The following BNC2 variants were observed in gnomAD, a reference collection of about 807,000 sequenced individuals.
The protein encoded by BNC2 is zinc finger protein basonuclin-2.
BNC2 carries 20 observed loss-of-function variants against 76.3 expected under a neutral mutation model. The ratio of observed to expected loss-of-function variants is 0.26; its 90% confidence interval spans 0.18 to 0.38. The LOEUF (loss-of-function observed/expected upper bound fraction) is 0.38. Among genes scored for constraint, BNC2 ranks in the 10% least tolerant of loss-of-function variants. The probability of loss-of-function intolerance (pLI) is 1.00; values close to 1 mark genes in which losing one functional copy is unlikely to be tolerated. For synonymous variants in BNC2, 582 were observed against 514.8 expected, an observed-to-expected ratio of 1.13 and a Z score of -1.77; for missense variants, 1,382 against 1,399.8, an observed-to-expected ratio of 0.99 and a Z score of 0.20.
intron 5 of BNC2, among the ~76,000 whole-genome samples, chr9:16,496,643 T>C (rs978185870): frequency 6.6e-6 from 1 of 152,248 alleles, no homozygotes; most frequent in Non-Finnish European, 1.5e-5. Context: ...TCTTTAAATA[T>C]TTAATATAAT....
intron 3 of BNC2, among the ~76,000 whole-genome samples, chr9:16,627,921 C>T (rs533487646): frequency 2.8e-4 from 42 of 152,238 alleles, no homozygotes; most frequent in African/African-American, 9.6e-4. Context: ...ATGACCTCAA[C>T]TGAGGAATAA....
chr9:16,554,390 C>T (rs1394338285), intron 4 of BNC2, among the ~76,000 whole-genome samples: 2 of 152,122 alleles, frequency 1.3e-5, no homozygotes, highest in South Asian at 2.1e-4. Flanking sequence ...TGTAAAGGCC[C>T]TTATCATTTA....
At chr9:16,822,033 C>G (rs1275570749) in intron 1 of BNC2, among the ~76,000 whole-genome samples, 2 of 141,952 alleles carry the variant, frequency 1.4e-5, no homozygotes, top group Non-Finnish European at 3.0e-5. Flanking sequence ...GCGGAGCCTG[C>G]AGTGAGCCGA....
intron 5 of BNC2, among the ~76,000 whole-genome samples, chr9:16,469,701 T>C (rs1821778549): frequency 1.3e-5 from 2 of 152,252 alleles, no homozygotes; most frequent in East Asian, 3.9e-4. Flanking sequence ...GACAGGAAAA[T>C]GTGGAAGTTT....
chr9:16,607,979 A>G (rs1274407354), intron 3 of BNC2, among the ~76,000 whole-genome samples: 1 of 151,946 alleles, frequency 6.6e-6, no homozygotes, highest in Non-Finnish European at 1.5e-5. Context: ...GTATCCAAAA[A>G]CCCCCATGGT....
chr9:16,748,922 C>CTATATATATATATATATATATATA (rs34314862), intron 1 of BNC2, among the ~76,000 whole-genome samples: 1 of 130,572 alleles, frequency 7.7e-6, no homozygotes, highest in African/African-American at 3.1e-5. Context: ...ACTTTTTATA[C>CTATATATATATATATATATATATA]TATATATATA....
chr9:16,663,130 C>CTTTTTTTTTTTTTTTTTTTTT (rs71325979), intron 3 of BNC2, among the ~76,000 whole-genome samples: 17 of 99,610 alleles, frequency 1.7e-4, no homozygotes, highest in African/African-American at 4.3e-4. Context: ...TCTGTTTACT[C>CTTTTTTTTTTTTTTTTTTTTT]TTTTTTTTTT....
At chr9:16,802,702 C>T (rs1338394563) in intron 1 of BNC2, among the ~76,000 whole-genome samples, 3 of 152,180 alleles carry the variant, frequency 2.0e-5, no homozygotes, top group South Asian at 4.1e-4. Flanking sequence ...TTTGTAAGAA[C>T]ACACTATTTG....
chr9:16,423,279 A>G (rs139216040), intron 6 of BNC2, among the ~76,000 whole-genome samples: 2 of 152,360 alleles, frequency 1.3e-5, no homozygotes, highest in African/African-American at 4.8e-5. Context: ...CTTACATTCT[A>G]TAAGAACATG....
rs1021655496 is a variant in BNC2, at chr9:16,676,791, G to A, written c.330+51006C>T. Among the ~76,000 whole-genome samples the A allele has an allele frequency of 2.6e-5, 4 of 151,968 alleles. No individual in the cohort carries two copies. The South Asian group carries it at 8.3e-4, about 32-fold the overall frequency. ...CACACCACACCCAAGTGAGAACAAGGGAGGAGAAAAAAAAAGCAAGTTCAT... is the reference window on the plus strand; with the variant it reads ...CACACCACACCCAAGTGAGAACAAGAGAGGAGAAAAAAAAAGCAAGTTCAT... On this transcript the variant is annotated intron_variant, in intron 3 of 6. Transcript: ENST00000380672.
intron 1 of BNC2, among the ~76,000 whole-genome samples, chr9:16,789,802 C>T (rs1432061144): frequency 2.0e-5 from 3 of 152,190 alleles, no homozygotes; most frequent in African/African-American, 7.2e-5. Flanking sequence ...CACATGTGTA[C>T]ATGCTGCCTG....
At chr9:16,443,366 C>A (rs1821168729) in intron 5 of BNC2, among the ~76,000 whole-genome samples, 1 of 152,082 alleles carries the variant, frequency 6.6e-6, no homozygotes, top group South Asian at 2.1e-4. Flanking sequence ...ACCACATTGG[C>A]AATTTATTTT....
At chr9:16,535,299 GAA>G (rs1162983235) in intron 5 of BNC2, among the ~76,000 whole-genome samples, 1 of 152,168 alleles carries the variant, frequency 6.6e-6, no homozygotes, top group African/African-American at 2.4e-5. Flanking sequence ...TTCAAAAAAG[GAA>G]TTTCATAGAT....
chr9:16,826,295 A>T (rs1439177048), intron 1 of BNC2, among the ~76,000 whole-genome samples: 1 of 144,754 alleles, frequency 6.9e-6, no homozygotes, highest in African/African-American at 2.6e-5. Context: ...TTTTAGAACC[A>T]CCAAGCCTGT....
intron 1 of BNC2, among the ~76,000 whole-genome samples, chr9:16,762,802 T>C (rs1394086533): frequency 6.6e-6 from 1 of 152,204 alleles, no homozygotes; most frequent in Non-Finnish European, 1.5e-5. Flanking sequence ...GCCCCCTTTG[T>C]ATACAGCACT....
chr9:16,455,278 G>T (rs889658857), intron 5 of BNC2, among the ~76,000 whole-genome samples: 4 of 152,224 alleles, frequency 2.6e-5, no homozygotes, highest in Admixed American at 6.5e-5. Flanking sequence ...AGAAGTGGTA[G>T]AGAGCATCTT....
intron 3 of BNC2, among the ~76,000 whole-genome samples, chr9:16,657,559 TGAGA>T (rs1264858027): frequency 1.3e-5 from 2 of 152,076 alleles, no homozygotes; most frequent in South Asian, 2.1e-4. Flanking sequence ...GAATGGAAGT[TGAGA>T]GAAAGGGACT....
intron 5 of BNC2, among the ~76,000 whole-genome samples, chr9:16,519,420 A>C (rs1156942117): frequency 6.6e-6 from 1 of 152,230 alleles, no homozygotes; most frequent in Non-Finnish European, 1.5e-5. Flanking sequence ...TTTAGGAGAT[A>C]ACCTCTTCGG....
At chr9:16,497,777 T>C (rs1587098006) in intron 5 of BNC2, among the ~76,000 whole-genome samples, 1 of 152,114 alleles carries the variant, frequency 6.6e-6, no homozygotes, top group Non-Finnish European at 1.5e-5. Context: ...ATAAAGGACA[T>C]ACTATATACC....
Sources: gnomAD v4.1 joint callset for allele counts (sites outside exome capture counted in the v4.1 genomes callset) on GRCh38, gnomAD v4.1.1 for gene constraint, MANE v1.5 for transcripts, NCBI Gene and HGNC (gene_info 2026-07-23, HGNC 2026-07-21) for gene names.